Variants in ZMYM5 observed in about 807,000 individuals in gnomAD.
ZMYM5 encodes zinc finger MYM-type protein 5.
In ZMYM5, 41 loss-of-function variants were observed where a neutral mutation model predicts 61.8. The ratio of observed to expected loss-of-function variants is 0.66; its 90% CI spans 0.52 to 0.86. The LOEUF (loss-of-function observed/expected upper bound fraction) is 0.86. Ranked by LOEUF, ZMYM5 falls within the 40% of genes least tolerant of loss-of-function variation. ZMYM5 has a pLI of 0.00. For missense variants in ZMYM5, 706 were observed against 786.7 expected, an observed-to-expected ratio of 0.90 and a Z score of 1.23; for synonymous variants, 257 against 276.4, an observed-to-expected ratio of 0.93 and a Z score of 0.70.
Position 19,824,818 on chromosome 13 carries a change from T to G in ZMYM5, c.1669A>C (p.Arg557=). ...NFNFPKDNTG[R]KFSETYYTRI... Reference sequence around the variant, plus strand: ...GTATAATAAGTTTCTGAAAACTTCCTCCCTGTATTATCTTTTGGAAAGTTA... The same window carrying G: ...GTATAATAAGTTTCTGAAAACTTCCGCCCTGTATTATCTTTTGGAAAGTTA... The change falls in exon 8 of 8, where the codon AGG becomes CGG. Residue 557 remains arginine (R), a synonymous_variant. Transcript: ENST00000337963. The G allele has an allele frequency of 7.4e-7, 1 of 1,352,104 alleles. No homozygotes were observed. The highest frequency in any genetic ancestry group is 9.9e-7 in the Non-Finnish European group (1 of 1,013,064). 83.8% of individuals were successfully genotyped at this position (1,352,104 alleles called of 1,614,324 possible).
chr13:19,852,612 AC>A (rs1245898752), intron 2 of ZMYM5, among the ~76,000 whole-genome samples: 16 of 152,236 alleles, frequency 1.1e-4, no homozygotes, highest in Non-Finnish European at 1.9e-4. Flanking sequence ...TTCCAAAATC[AC>A]TTCTTCCAAA....
intron 7 of ZMYM5, among the ~76,000 whole-genome samples, chr13:19,828,624 A>G (rs1467681044): frequency 6.6e-6 from 1 of 152,216 alleles, no homozygotes; most frequent in African/African-American, 2.4e-5. Context: ...GAGATCAGTC[A>G]AGAAACTATA....
chr13:19,837,639 G>C lies in ZMYM5; in HGVS notation c.1038+17C>G. The C allele has an allele frequency of 6.3e-7, 1 of 1,595,808 alleles. No individual in the cohort carries two copies. The highest frequency in any genetic ancestry group is 8.5e-7 in the Non-Finnish European group (1 of 1,175,850). On this transcript the variant is annotated intron_variant, in intron 6 of 7. Transcript: ENST00000337963. ...CACTGTTAGCCTAAACAACAACTTAGGTATAAAAATCCAGACCTCTGCTAA... is the reference window on the plus strand; with the variant it reads ...CACTGTTAGCCTAAACAACAACTTACGTATAAAAATCCAGACCTCTGCTAA...
chr13:19,862,311 C>T (rs1351365039), intron 2 of ZMYM5, 88 bp downstream of exon 2: 2 of 150,894 alleles, frequency 1.3e-5, no homozygotes, highest in African/African-American at 4.9e-5. Context: ...CAAGATAACA[C>T]AAAGGCAAAT....
intron 2 of ZMYM5, among the ~76,000 whole-genome samples, chr13:19,859,938 C>T (rs1953667339): frequency 1.3e-5 from 2 of 149,396 alleles, no homozygotes; most frequent in Non-Finnish European, 3.0e-5. Flanking sequence ...TCCCTTGTCT[C>T]TACTAAAAAT....
intron 4 of ZMYM5, chr13:19,843,751 G>C (rs1242239807): frequency 1.3e-5 from 2 of 151,752 alleles, no homozygotes; most frequent in East Asian, 3.9e-4. Context: ...TGGGAGAACG[G>C]CTTGAACCTG....
intron 2 of ZMYM5, among the ~76,000 whole-genome samples, chr13:19,854,166 T>C (rs1411135879): frequency 1.3e-5 from 2 of 152,066 alleles, no homozygotes; most frequent in Admixed American, 1.3e-4. Context: ...TGCGCCACCA[T>C]GCCCAGCTAA....
At chr13:19,854,828 CATT>C (rs1212512084) in intron 2 of ZMYM5, among the ~76,000 whole-genome samples, 4 of 152,018 alleles carry the variant, frequency 2.6e-5, no homozygotes, top group African/African-American at 9.7e-5. Flanking sequence ...CCTAACTCAC[CATT>C]GCTGAAAAAG....
At chr13:19,847,105 A>G (rs4769911) in intron 4 of ZMYM5, among the ~76,000 whole-genome samples, 151,854 of 152,086 alleles carry the variant, frequency 1, 75,811 homozygotes, top group Non-Finnish European at 1. Context: ...GCACAACCAC[A>G]CCCAGCTAAT....
chr13:19,839,195 A>G (rs1952777625), intron 4 of ZMYM5, among the ~76,000 whole-genome samples: 2 of 152,180 alleles, frequency 1.3e-5, no homozygotes, highest in South Asian at 4.1e-4. Context: ...CAATAATAAT[A>G]AAGTAAATGT....
At position 19,835,584 on chromosome 13, in the gene ZMYM5, G is replaced by A. The variant is rs1330475269; in HGVS notation, c.1144C>T (p.His382Tyr). 1.5e-6 allele frequency: 2 copies of A among 1,367,664 alleles called. No individual in the cohort carries two copies. The highest frequency in any genetic ancestry group is 4.5e-5 in the East Asian group (1 of 21,982). The allele number at this position is 1,367,664 out of a possible 1,614,324, so 84.7% of individuals were successfully genotyped here. ...ANGLIMNCCE[H>Y]CGEYMPSKST... is the part of the protein sequence containing the mutation. The stretch of plus-strand genomic sequence containing the variant: ...TTACTAGGCATGTACTCTCCACAGT[G>A]TTCACAGCAGTTCATTATTAGACCA... The change falls in exon 7 of 8, where the codon CAC becomes TAC. Residue 382 changes from histidine (H) to tyrosine (Y), a missense_variant. Coordinates refer to ENST00000337963, the MANE Select transcript of ZMYM5 (RefSeq NM_001142684.2).
At chr13:19,850,719 A>G (rs1953255252) in intron 4 of ZMYM5, among the ~76,000 whole-genome samples, 1 of 152,138 alleles carries the variant, frequency 6.6e-6, no homozygotes, top group South Asian at 2.1e-4. Context: ...AAATCCAATC[A>G]TTATATATTA....
intron 2 of ZMYM5, among the ~76,000 whole-genome samples, chr13:19,860,430 TTG>T (rs760244753): frequency 9.7e-5 from 13 of 133,662 alleles, no homozygotes; most frequent in African/African-American, 1.6e-4. Context: ...CCGGCTAATT[TTG>T]TGTGTGTGTG....
chr13:19,832,982 T>C (rs1227642593), intron 7 of ZMYM5, among the ~76,000 whole-genome samples: 1 of 149,654 alleles, frequency 6.7e-6, no homozygotes, highest in Non-Finnish European at 1.5e-5. Flanking sequence ...CATCCTCCCA[T>C]CTTGGCCTCC....
chr13:19,851,231 A>T, intron 4 of ZMYM5, 124 bp downstream of exon 4: 1 of 957,950 alleles, frequency 1.0e-6, no homozygotes, highest in South Asian at 1.6e-5. Flanking sequence ...AAAAACAAAC[A>T]AACAAACAAG....
intron 7 of ZMYM5, among the ~76,000 whole-genome samples, chr13:19,834,330 ATTTAT>A (rs145528072): frequency 0.099 from 14,929 of 151,560 alleles, 860 homozygotes; most frequent in African/African-American, 0.16. Flanking sequence ...TTCCAAATAT[ATTTAT>A]TTTATAAAAT....
chr13:19,862,354 T>C (rs1472635748), intron 2 of ZMYM5, 45 bp downstream of exon 2: 1 of 151,800 alleles, frequency 6.6e-6, no homozygotes. Flanking sequence ...ACTGCACTAA[T>C]TATATTAGAC....
rs562543053 is a variant in ZMYM5 at position 19,830,887 on chromosome 13, T to C, written c.1251+4590A>G. 2.0e-5 allele frequency among the ~76,000 whole-genome samples: 3 copies of C among 150,424 alleles called. No homozygotes were observed. The East Asian group carries it at 5.9e-4, about 30-fold the overall frequency. On this transcript the variant is annotated intron_variant, in intron 7 of 7. Transcript: ENST00000337963. ...CAGAGTCTCGCACTGTCCCCCAGGC[T>C]GGAGTGCAGTGGCATGATCTCGGCT...
chr13:19,842,005 TG>T, intron 4 of ZMYM5: 1 of 152,430 alleles, frequency 6.6e-6, no homozygotes, highest in East Asian at 1.9e-4. Flanking sequence ...TTAGTAGAGA[TG>T]GGGTTTCACC....
Sources: gnomAD v4.1 joint callset for allele counts (sites outside exome capture counted in the v4.1 genomes callset) on GRCh38, gnomAD v4.1.1 for gene constraint, MANE v1.5 for transcripts, NCBI Gene and HGNC (gene_info 2026-07-23, HGNC 2026-07-21) for gene names.